Variants in SH3KBP1 observed in about 807,000 individuals in gnomAD.
SH3KBP1 encodes the protein SH3 domain-containing kinase-binding protein 1.
In SH3KBP1, 8 loss-of-function variants were observed where a neutral mutation model predicts 50.1. The ratio of observed to expected loss-of-function variants is 0.16; its 90% CI spans 0.09 to 0.29. SH3KBP1 has a LOEUF of 0.29. Among genes scored for constraint, SH3KBP1 ranks in the 10% least tolerant of loss-of-function variants. SH3KBP1 has a pLI of 1.00. For synonymous variants in SH3KBP1, 227 were observed against 218.6 expected, an observed-to-expected ratio of 1.04 and a Z score of -0.34; for missense variants, 377 against 535.2, an observed-to-expected ratio of 0.70 and a Z score of 2.92.
chrX:19,774,476 C>A (rs1264457065), intron 2 of SH3KBP1, among the ~76,000 whole-genome samples: 1 of 109,385 alleles, frequency 9.1e-6, no homozygotes, highest in Middle Eastern at 4.6e-3. Flanking sequence ...TCGAGACCAT[C>A]CTGGCTAACA....
chrX:19,799,701 T>C (rs2066839538), intron 2 of SH3KBP1: 3 of 1,208,033 alleles, frequency 2.5e-6, no homozygotes, highest in Non-Finnish European at 3.4e-6. Flanking sequence ...AAGTATGAAA[T>C]GGTAATTTCT....
intron 7 of SH3KBP1, among the ~76,000 whole-genome samples, chrX:19,642,434 A>G (rs899987315): frequency 1.8e-5 from 2 of 112,117 alleles, no homozygotes; most frequent in African/African-American, 6.5e-5. Flanking sequence ...AGGAAGTGAG[A>G]TGAGGTTCAG....
chrX:19,576,692 C>T (rs995367693), intron 12 of SH3KBP1, among the ~76,000 whole-genome samples: 6 of 112,310 alleles, frequency 5.3e-5, no homozygotes, highest in African/African-American at 1.9e-4. Flanking sequence ...GTCCTCCAGC[C>T]TCAGCCTCCC....
chrX:19,695,166 G>A, intron 5 of SH3KBP1: 1 of 568,541 alleles, frequency 1.8e-6, no homozygotes, highest in South Asian at 3.1e-5. Context: ...AAGGGGATTG[G>A]CATGCACTCA....
chrX:19,570,197 A>C (rs1297417569), intron 12 of SH3KBP1, among the ~76,000 whole-genome samples: 1 of 111,961 alleles, frequency 8.9e-6, no homozygotes, highest in Non-Finnish European at 1.9e-5. Flanking sequence ...AGAGACAGCC[A>C]GCCAGCCACA....
At chrX:19,757,035 C>T (rs1171210771) in intron 2 of SH3KBP1, among the ~76,000 whole-genome samples, 3 of 110,746 alleles carry the variant, frequency 2.7e-5, no homozygotes, top group Non-Finnish European at 5.7e-5. Flanking sequence ...ATATTTTGTC[C>T]CTTTTAGCTG....
intron 2 of SH3KBP1, among the ~76,000 whole-genome samples, chrX:19,828,063 C>CT (rs1295028981): frequency 9.0e-6 from 1 of 110,558 alleles, no homozygotes; most frequent in Non-Finnish European, 1.9e-5. Flanking sequence ...CTTGATTTAA[C>CT]TAACACTACT....
intron 2 of SH3KBP1, among the ~76,000 whole-genome samples, chrX:19,825,004 A>G (rs760800539): frequency 3.2e-4 from 36 of 112,309 alleles, no homozygotes; most frequent in Non-Finnish European, 6.4e-4. Context: ...TTAAAGTTTC[A>G]AGAATAATTT....
intron 1 of SH3KBP1, among the ~76,000 whole-genome samples, chrX:19,885,646 A>G (rs1440991783): frequency 1.8e-5 from 2 of 110,537 alleles, no homozygotes; most frequent in African/African-American, 6.6e-5. Context: ...AGACATTTGG[A>G]TTAACTTCTT....
intron 1 of SH3KBP1, among the ~76,000 whole-genome samples, chrX:19,870,441 C>G (rs1213207700): frequency 2.7e-5 from 3 of 110,781 alleles, no homozygotes; most frequent in Non-Finnish European, 5.7e-5. Context: ...CTGCCAGGCT[C>G]AGGTGATCCT....
At chrX:19,824,024 T>C (rs1486559906) in intron 2 of SH3KBP1, among the ~76,000 whole-genome samples, 2 of 110,968 alleles carry the variant, frequency 1.8e-5, no homozygotes, top group African/African-American at 6.6e-5. Context: ...TTCATCATGT[T>C]GGCCAGTCTG....
intron 9 of SH3KBP1, among the ~76,000 whole-genome samples, chrX:19,597,779 A>G (rs139269473): frequency 1.1e-3 from 124 of 112,494 alleles, no homozygotes; most frequent in Non-Finnish European, 2.0e-3. Flanking sequence ...CTTCAACTTA[A>G]AGTCACCAGA....
At chrX:19,796,624 G>A (rs998385715) in intron 2 of SH3KBP1, among the ~76,000 whole-genome samples, 2 of 112,443 alleles carry the variant, frequency 1.8e-5, no homozygotes, top group African/African-American at 6.5e-5. Context: ...CCAACCAGAG[G>A]GAAAACCACT....
intron 14 of SH3KBP1, among the ~76,000 whole-genome samples, chrX:19,549,551 G>T (rs1163840937): frequency 9.0e-6 from 1 of 111,653 alleles, no homozygotes; most frequent in African/African-American, 3.3e-5. Flanking sequence ...GGGGATTTGA[G>T]AGAGAAAGGT....
intron 2 of SH3KBP1, among the ~76,000 whole-genome samples, chrX:19,832,933 A>G (rs759229838): frequency 8.9e-6 from 1 of 112,602 alleles, no homozygotes; most frequent in African/African-American, 3.2e-5. Flanking sequence ...AGTCACTGAC[A>G]GCGCGCCAGC....
intron 8 of SH3KBP1, among the ~76,000 whole-genome samples, chrX:19,627,004 G>A (rs948418024): frequency 3.6e-5 from 4 of 111,853 alleles, no homozygotes; most frequent in African/African-American, 6.5e-5. Flanking sequence ...CTTTCTAAGC[G>A]TTCATCTTGA....
At chrX:19,541,687 C>A (rs1272516349) in intron 16 of SH3KBP1, among the ~76,000 whole-genome samples, 1 of 112,460 alleles carries the variant, frequency 8.9e-6, no homozygotes, top group Admixed American at 9.4e-5. Flanking sequence ...TCCCTCTATG[C>A]CCCATGGCCA....
At chrX:19,553,742 C>T (rs1477841009) in intron 13 of SH3KBP1, among the ~76,000 whole-genome samples, 1 of 101,631 alleles carries the variant, frequency 9.8e-6, no homozygotes, top group Non-Finnish European at 2.0e-5. Context: ...CAAGAGTCTC[C>T]AGGACATATG....
intron 4 of SH3KBP1, among the ~76,000 whole-genome samples, chrX:19,703,141 C>G (rs2063565451): frequency 1.8e-5 from 2 of 111,941 alleles, no homozygotes; most frequent in South Asian, 7.4e-4. Context: ...CTGGTAGACT[C>G]GCTCCTGCCA....
Sources: gnomAD v4.1 joint callset for allele counts (sites outside exome capture counted in the v4.1 genomes callset) on GRCh38, gnomAD v4.1.1 for gene constraint, MANE v1.5 for transcripts, NCBI Gene and HGNC (gene_info 2026-07-23, HGNC 2026-07-21) for gene names.